The following GRIP1 variants were observed in gnomAD, a reference collection of about 807,000 sequenced individuals.
The protein encoded by GRIP1 is glutamate receptor interacting protein 1.
In GRIP1, 45 loss-of-function variants were observed where a neutral mutation model predicts 129.9. That is an observed-to-expected ratio of 0.35 (90% CI 0.27 to 0.44). The LOEUF is 0.44. Ranked by LOEUF, GRIP1 falls within the 20% of genes least tolerant of loss-of-function variation. The pLI is 1.00. For missense variants in GRIP1, 1,196 were observed against 1,396.8 expected (o/e 0.86, Z 2.29); for synonymous variants, 530 against 520.8 (o/e 1.02, Z -0.24).
At chr12:66,762,149 A>G (rs113498908) in intron 1 of GRIP1, among the ~76,000 whole-genome samples, 8 of 152,354 alleles carry the variant, frequency 5.3e-5, no homozygotes, top group African/African-American at 1.7e-4. Flanking sequence ...TGATTATGAC[A>G]TTCAATTTTG....
chr12:66,538,283 T>G (rs2061667612), intron 4 of GRIP1, among the ~76,000 whole-genome samples: 1 of 151,366 alleles, frequency 6.6e-6, no homozygotes, highest in African/African-American at 2.4e-5. Context: ...CACTGCAGCC[T>G]CGACCTTCTG....
At position 66,474,975 on chromosome 12, in the gene GRIP1, AC is replaced by A. The variant is rs202205522; in HGVS notation, c.725-9554del. Among the ~76,000 whole-genome samples the A allele has an allele frequency of 9.6e-3, 1,459 of 152,320 alleles. 27 individuals are homozygous for A. The highest frequency in any genetic ancestry group is 0.032 in the African/African-American group (1,345 of 41,562). ...AATGACAGGACCAAATTCACACATA[AC>A]AATATTAACCTTAAATGTAAATGGG... On this transcript the variant is annotated intron_variant, in intron 7 of 24. Transcript: ENST00000359742.
intron 1 of GRIP1, among the ~76,000 whole-genome samples, chr12:66,765,628 C>T (rs1184871816): frequency 6.6e-6 from 1 of 152,220 alleles, no homozygotes; most frequent in Non-Finnish European, 1.5e-5. Flanking sequence ...TCCATGGTAG[C>T]TTCACATGGC....
chr12:66,818,686 G>A (rs967215405), intron 1 of GRIP1, among the ~76,000 whole-genome samples: 1 of 152,114 alleles, frequency 6.6e-6, no homozygotes, highest in African/African-American at 2.4e-5. Context: ...GGCATTCATA[G>A]GTGAAATCTG....
chr12:66,986,427 C>T (rs139824411), intron 1 of GRIP1, among the ~76,000 whole-genome samples: 43,158 of 149,562 alleles, frequency 0.29, 7,455 homozygotes, highest in Non-Finnish European at 0.38. Flanking sequence ...TGGAACCAAC[C>T]CAAATGTCCA....
chr12:66,863,932 T>C (rs2040156228), intron 1 of GRIP1, among the ~76,000 whole-genome samples: 1 of 152,024 alleles, frequency 6.6e-6, no homozygotes, highest in Non-Finnish European at 1.5e-5. Context: ...TAAGGCAGGG[T>C]GAGTCTGCTG....
chr12:66,741,184 C>T (rs951073260), intron 1 of GRIP1, among the ~76,000 whole-genome samples: 6 of 152,084 alleles, frequency 3.9e-5, no homozygotes, highest in African/African-American at 1.4e-4. Flanking sequence ...CTCCTAAGTG[C>T]TTTTTGTATA....
At chr12:66,974,737 T>C (rs2042127501) in intron 1 of GRIP1, among the ~76,000 whole-genome samples, 1 of 152,188 alleles carries the variant, frequency 6.6e-6, no homozygotes, top group Non-Finnish European at 1.5e-5. Flanking sequence ...ACATTTTCCT[T>C]ATGATAAATT....
At position 66,348,626 on chromosome 12, in the gene GRIP1, T is replaced by C; in HGVS notation, c.*393A>G. Reference sequence around the variant, plus strand: ...CCAAGTTCTTACATTAATGACTTCATAGTAAGAAACTGATTTCAAAGTGAA... The same window carrying C: ...CCAAGTTCTTACATTAATGACTTCACAGTAAGAAACTGATTTCAAAGTGAA... On this transcript the variant is annotated 3_prime_UTR_variant, in exon 25 of 25. Transcript: ENST00000359742. 8.8e-6 allele frequency: 2 copies of C among 227,394 alleles called. No individual in the cohort carries two copies. Among genetic ancestry groups the C allele is most frequent in the Non-Finnish European group, 1.8e-5 (2 of 114,048 alleles). 14.1% of individuals were successfully genotyped at this position (227,394 alleles called of 1,614,324 possible). A position where few individuals can be genotyped will look rare whatever the true frequency, so the allele number is the denominator to read the frequency against.
At chr12:66,564,696 C>G (rs1421545717) in intron 2 of GRIP1, among the ~76,000 whole-genome samples, 2 of 152,108 alleles carry the variant, frequency 1.3e-5, no homozygotes. Flanking sequence ...CCTGAGGAAT[C>G]GCCACACTGT....
chr12:66,456,515 T>G (rs1228406641), intron 9 of GRIP1, among the ~76,000 whole-genome samples, 173 bp from the exon 10 acceptor site: 1 of 152,014 alleles, frequency 6.6e-6, no homozygotes, highest in African/African-American at 2.4e-5. Context: ...GTCAGCAAAA[T>G]AGATGATTAA....
intron 7 of GRIP1, among the ~76,000 whole-genome samples, chr12:66,511,835 G>C (rs985129757): frequency 6.6e-6 from 1 of 152,022 alleles, no homozygotes; most frequent in African/African-American, 2.4e-5. Context: ...GGCTTTTAAG[G>C]CTAATAAATT....
chr12:66,938,828 ATG>A lies in GRIP1; in HGVS notation c.58+130220_58+130221del, dbSNP rs535195873. Among the ~76,000 whole-genome samples the A allele has an allele frequency of 4.5e-4, 69 of 152,204 alleles. No homozygotes were observed. In the Middle Eastern group the frequency reaches 0.01, roughly 23 times the overall value. On this transcript the variant is annotated intron_variant, in intron 1 of 1. Transcript: ENST00000643019. ...AAAAATTAGCCAGGCGTGGTGGTGC[ATG>A]CCTGTAGTCCCAGCTACTCTGGAGG...
chr12:66,483,409 G>A (rs1301436995), intron 7 of GRIP1, among the ~76,000 whole-genome samples: 2 of 151,994 alleles, frequency 1.3e-5, no homozygotes, highest in African/African-American at 2.4e-5. Context: ...AATAAGCTTC[G>A]TCTTAAATCC....
chr12:66,497,077 CAA>C (rs2060257686), intron 7 of GRIP1, among the ~76,000 whole-genome samples: 1 of 152,138 alleles, frequency 6.6e-6, no homozygotes, highest in African/African-American at 2.4e-5. Flanking sequence ...ATTCAGATAA[CAA>C]GTATTTAACA....
intron 1 of GRIP1, among the ~76,000 whole-genome samples, chr12:66,740,776 A>G (rs1441457986): frequency 6.6e-6 from 1 of 152,172 alleles, no homozygotes; most frequent in African/African-American, 2.4e-5. Flanking sequence ...AGATTATTTA[A>G]ACGTTATATT....
intron 1 of GRIP1, among the ~76,000 whole-genome samples, chr12:66,688,018 C>G (rs761343137): frequency 5.3e-5 from 8 of 152,152 alleles, no homozygotes; most frequent in Admixed American, 2.0e-4. Context: ...GAAAAGCTGA[C>G]TTTGAATCAT....
intron 1 of GRIP1, among the ~76,000 whole-genome samples, chr12:66,653,722 G>C (rs1052284387): frequency 6.6e-6 from 1 of 152,158 alleles, no homozygotes; most frequent in Non-Finnish European, 1.5e-5. Context: ...CAATTCAGTG[G>C]ATACCTCCAA....
chr12:67,002,717 G>A (rs887805461), intron 1 of GRIP1, among the ~76,000 whole-genome samples: 2 of 152,290 alleles, frequency 1.3e-5, no homozygotes, highest in East Asian at 3.9e-4. Flanking sequence ...GACATATCCA[G>A]TAGAATTACA....
Sources: gnomAD v4.1 joint callset for allele counts (sites outside exome capture counted in the v4.1 genomes callset) on GRCh38, gnomAD v4.1.1 for gene constraint, MANE v1.5 for transcripts, NCBI Gene and HGNC (gene_info 2026-07-23, HGNC 2026-07-21) for gene names.